The following ARB2A variants were observed in gnomAD, a reference collection of about 807,000 sequenced individuals.
ARB2A encodes the protein cotranscriptional regulator ARB2A.
chr5:93,759,329 T>A, the ARB2A span, among the ~76,000 whole-genome samples: 1 of 152,162 alleles, frequency 6.6e-6, no homozygotes, highest in Non-Finnish European at 1.5e-5. Flanking sequence ...AAAGAAGAAT[T>A]TGTACCAATC....
chr5:94,047,492 C>CAAAAAAA, the ARB2A span, among the ~76,000 whole-genome samples: 1 of 81,144 alleles, frequency 1.2e-5, no homozygotes, highest in Non-Finnish European at 2.5e-5. Flanking sequence ...GACTCCATCT[C>CAAAAAAA]AAAAAAAAAA....
the ARB2A span, among the ~76,000 whole-genome samples, chr5:93,825,058 T>C: frequency 6.6e-6 from 1 of 152,212 alleles, no homozygotes; most frequent in Non-Finnish European, 1.5e-5. Flanking sequence ...GGTAAAGCCA[T>C]GTTTCATCTC....
the ARB2A span, among the ~76,000 whole-genome samples, chr5:94,062,971 G>A: frequency 6.6e-6 from 1 of 152,196 alleles, no homozygotes; most frequent in Non-Finnish European, 1.5e-5. Context: ...TGCCACTGGG[G>A]CCAAAGCACA....
chr5:93,850,513 C>T, the ARB2A span, among the ~76,000 whole-genome samples: 2 of 152,152 alleles, frequency 1.3e-5, no homozygotes, highest in South Asian at 4.1e-4. Flanking sequence ...CCCGTGCACA[C>T]TGGAGGGCCA....
chr5:93,736,468 G>A, the ARB2A span: 1 of 152,270 alleles, frequency 6.6e-6, no homozygotes, highest in South Asian at 2.1e-4. Flanking sequence ...TCATGTTGTG[G>A]ACTATGGAAG....
At chr5:93,858,410 T>A in the ARB2A span, among the ~76,000 whole-genome samples, 1 of 150,492 alleles carries the variant, frequency 6.6e-6, no homozygotes, top group Non-Finnish European at 1.5e-5. Context: ...TCCCAGATGA[T>A]AATCAAAGGC....
the ARB2A span, among the ~76,000 whole-genome samples, chr5:93,972,022 T>C: frequency 1.3e-5 from 2 of 152,176 alleles, no homozygotes; most frequent in Admixed American, 1.3e-4. Flanking sequence ...CTCGCCTCCC[T>C]GCCCCTTTTC....
At chr5:93,993,377 G>T in the ARB2A span, among the ~76,000 whole-genome samples, 595 of 152,058 alleles carry the variant, frequency 3.9e-3, 2 homozygotes, top group Non-Finnish European at 5.0e-3. Context: ...TAAGAGAAAT[G>T]GCTCATTAAC....
the ARB2A span, among the ~76,000 whole-genome samples, chr5:93,646,033 C>T: frequency 6.6e-6 from 1 of 152,014 alleles, no homozygotes; most frequent in Non-Finnish European, 1.5e-5. Context: ...CATAATAATA[C>T]ATAATTACAC....
chr5:93,903,661 C>A, the ARB2A span, among the ~76,000 whole-genome samples: 1 of 151,372 alleles, frequency 6.6e-6, no homozygotes, highest in Non-Finnish European at 1.5e-5. Flanking sequence ...GCATAACATA[C>A]AAGTGAACAA....
At chr5:93,732,894 C>G in the ARB2A span, among the ~76,000 whole-genome samples, 1 of 151,614 alleles carries the variant, frequency 6.6e-6, no homozygotes, top group African/African-American at 2.4e-5. Context: ...AAAAAAAAAT[C>G]ACTAATAATT....
chr5:94,022,148 C>T, the ARB2A span, among the ~76,000 whole-genome samples: 13 of 152,112 alleles, frequency 8.5e-5, no homozygotes, highest in African/African-American at 2.9e-4. Flanking sequence ...GAGCCAAGAT[C>T]GTGCCACTGC....
chr5:93,887,344 G>A, the ARB2A span, among the ~76,000 whole-genome samples: 1 of 150,664 alleles, frequency 6.6e-6, no homozygotes, highest in Non-Finnish European at 1.5e-5. Flanking sequence ...GAATAGAAGA[G>A]AAAAGAAATA....
chr5:93,763,204 C>G, the ARB2A span, among the ~76,000 whole-genome samples: 3 of 151,606 alleles, frequency 2.0e-5, no homozygotes, highest in Non-Finnish European at 4.4e-5. Flanking sequence ...CAATATTAAC[C>G]TTAAATGCAA....
the ARB2A span, among the ~76,000 whole-genome samples, chr5:93,953,156 T>C: frequency 6.6e-6 from 1 of 152,162 alleles, no homozygotes; most frequent in African/African-American, 2.4e-5. Flanking sequence ...CTCTGGTGCA[T>C]TGTTTAGTTC....
chr5:93,872,630 A>G, the ARB2A span, among the ~76,000 whole-genome samples: 1 of 152,072 alleles, frequency 6.6e-6, no homozygotes, highest in African/African-American at 2.4e-5. Flanking sequence ...ATAACGGCTG[A>G]TAATTGGCCA....
At chr5:93,923,416 C>A in the ARB2A span, among the ~76,000 whole-genome samples, 13 of 152,184 alleles carry the variant, frequency 8.5e-5, no homozygotes, top group African/African-American at 2.9e-4. Flanking sequence ...AAAGAGTCAA[C>A]TGTATTTTTT....
the ARB2A span, among the ~76,000 whole-genome samples, chr5:93,789,353 G>A: frequency 3.3e-5 from 5 of 151,986 alleles, no homozygotes; most frequent in Non-Finnish European, 4.4e-5. Flanking sequence ...TCATCACTCC[G>A]GTTAATAGCA....
chr5:94,059,636 A>AT, the ARB2A span, among the ~76,000 whole-genome samples: 2 of 150,762 alleles, frequency 1.3e-5, no homozygotes, highest in African/African-American at 4.9e-5. Flanking sequence ...AAAAAAAAAA[A>AT]AAAAGATAAA....
Sources: gnomAD v4.1 joint callset for allele counts (sites outside exome capture counted in the v4.1 genomes callset) on GRCh38, gnomAD v4.1.1 for gene constraint, MANE v1.5 for transcripts, NCBI Gene and HGNC (gene_info 2026-07-23, HGNC 2026-07-21) for gene names.